Variants in WDR5 observed in about 807,000 individuals in gnomAD.
WDR5 encodes WD repeat-containing protein 5.
For synonymous variants in WDR5, 144 were observed against 161.6 expected (o/e 0.89, Z 0.83); for missense variants, 187 against 416.9 (o/e 0.45, Z 4.80).
intron 1 of WDR5, among the ~76,000 whole-genome samples, chr9:134,139,004 T>C (rs769742746): frequency 7.2e-5 from 11 of 152,264 alleles, no homozygotes; most frequent in Non-Finnish European, 1.3e-4. Context: ...TAGAGGAAAC[T>C]AGCTGCTTAC....
rs1357437971 is a variant in WDR5 at position 134,157,654 on chromosome 9, T to C, written c.905-239T>C. ...CTGCAGGCAGGGCTGGCACTCCCTG[T>C]GGCCTCCTGCCCCTGTCCCCCAACC... On this transcript the variant is annotated intron_variant, in intron 13 of 13. Transcript: ENST00000358625. The surrounding 1 kb of genome is among the most constrained non-coding windows in gnomAD (Gnocchi z 5.0). 1.3e-5 allele frequency among the ~76,000 whole-genome samples: 2 copies of C among 152,096 alleles called. No homozygotes were observed. Among genetic ancestry groups the C allele is most frequent in the African/African-American group, 4.8e-5 (2 of 41,414 alleles).
At position 134,136,111 on chromosome 9, in the gene WDR5, G is replaced by T. The variant is rs941983172; in HGVS notation, c.-148G>T. ...CCGCCGCCTGGCGCCCGCCCGAGCT[G>T]CCGCCTTGTCGAGCTGAGTCCGCGC... On this transcript the variant is annotated 5_prime_UTR_variant, in exon 1 of 14. Transcript: ENST00000358625. 6 of 146,880 alleles carry T rather than the reference G, an allele frequency of 4.1e-5. No homozygotes were observed. Among genetic ancestry groups the T allele is most frequent in the Non-Finnish European group, 7.5e-5 (5 of 66,694 alleles). 9.1% of individuals were successfully genotyped at this position (146,880 alleles called of 1,614,324 possible).
At chr9:134,137,877 G>A (rs188128061) in intron 1 of WDR5, among the ~76,000 whole-genome samples, 70 of 152,004 alleles carry the variant, frequency 4.6e-4, no homozygotes, top group Admixed American at 4.1e-3. Flanking sequence ...CGAGTAGCTG[G>A]GATTACAGGG....
chr9:134,142,814 C>A, intron 7 of WDR5, 95 bp downstream of exon 7: 2 of 1,299,316 alleles, frequency 1.5e-6, no homozygotes, highest in Non-Finnish European at 2.2e-6. Flanking sequence ...GTAAGCCTGG[C>A]CATGGCCTGT....
At position 134,139,936 on chromosome 9, in the gene WDR5, C is replaced by T. The variant is rs369803909; in HGVS notation, c.59C>T (p.Ser20Leu). The change falls in exon 2 of 14, where the codon TCG becomes TTG. Residue 20 changes from serine (S) to leucine (L), a missense_variant. Physicochemically the swap from Ser to Leu is moderately radical, Grantham distance 145. Coordinates refer to ENST00000358625, the MANE Select transcript of WDR5 (RefSeq NM_017588.3). ...GCCGCCAGAGCACAGCCAACCCCTT[C>T]GTCATCCGCCACTCAGAGCAAGGTG... ...TEAARAQPTP[S>L]SSATQSKPTP... 6 of 1,613,482 alleles carry T rather than the reference C, an allele frequency of 3.7e-6. No homozygotes were observed. The highest frequency in any genetic ancestry group is 2.7e-5 in the African/African-American group (2 of 74,888).
chr9:134,152,586 G>C (rs745391431), intron 9 of WDR5, among the ~76,000 whole-genome samples: 3 of 152,356 alleles, frequency 2.0e-5, no homozygotes, highest in Non-Finnish European at 4.4e-5. Context: ...CTGCAGAAAG[G>C]AGCGGAAGGG....
At chr9:134,137,689 A>C (rs960977146) in intron 1 of WDR5, among the ~76,000 whole-genome samples, 2 of 151,420 alleles carry the variant, frequency 1.3e-5, no homozygotes, top group Admixed American at 6.6e-5. Context: ...AAAAACAAAA[A>C]AAAAACACGC....
intron 10 of WDR5, 52 bp from the exon 11 acceptor site, chr9:134,155,288 G>A: frequency 1.3e-6 from 2 of 1,526,832 alleles, no homozygotes; most frequent in South Asian, 1.3e-5. Context: ...TGGGTGTGGG[G>A]ACAGAAGGAT....
At chr9:134,137,667 C>CA (rs139470012) in intron 1 of WDR5, among the ~76,000 whole-genome samples, 7,594 of 93,132 alleles carry the variant, frequency 0.082, 692 homozygotes, top group African/African-American at 0.24. Flanking sequence ...GACTGTGTCT[C>CA]AAAAAAAAAA....
intron 12 of WDR5, 41 bp downstream of exon 12, chr9:134,155,808 TTAC>T: frequency 1.0e-5 from 16 of 1,593,110 alleles, no homozygotes; most frequent in Non-Finnish European, 1.4e-5. Flanking sequence ...TGTTCCCAGC[TTAC>T]TCTCCCGAGA....
intron 12 of WDR5, among the ~76,000 whole-genome samples, 162 bp from the exon 13 acceptor site, chr9:134,156,344 G>T (rs1832739897): frequency 6.6e-6 from 1 of 152,192 alleles, no homozygotes; most frequent in African/African-American, 2.4e-5. Flanking sequence ...GAAGCCTCAG[G>T]CCTGGCTGGA....
chr9:134,144,656 A>G (rs1472456080), intron 7 of WDR5, among the ~76,000 whole-genome samples: 1 of 152,086 alleles, frequency 6.6e-6, no homozygotes, highest in Non-Finnish European at 1.5e-5. Flanking sequence ...CCTGGACAAC[A>G]TAGTGAGATC....
chr9:134,152,340 C>T lies in WDR5; in HGVS notation c.631+311C>T, dbSNP rs372344375. On this transcript the variant is annotated intron_variant, in intron 9 of 13. Coordinates refer to ENST00000358625, the MANE Select transcript of WDR5 (RefSeq NM_017588.3). ...GGGCAGCCCCATTGCCTCCTGGCTT[C>T]GGGCCCCTGCTGTCGTGCCAGCCTC... 1.4e-4 allele frequency among the ~76,000 whole-genome samples: 21 copies of T among 152,362 alleles called. No homozygotes were observed. In the East Asian group the frequency reaches 1.7e-3, roughly 13 times the overall value.
At position 134,155,390 on chromosome 9, in the gene WDR5, T is replaced by G; in HGVS notation, c.741+17T>G. On this transcript the variant is annotated intron_variant, in intron 11 of 13. Transcript: ENST00000358625. ...AAGGGGAAGGTGAGCCCCCGCAGGCTTGGGCCCCCATGGTGCACCATCCCT... is the reference window on the plus strand; with the variant it reads ...AAGGGGAAGGTGAGCCCCCGCAGGCGTGGGCCCCCATGGTGCACCATCCCT... 6.2e-7 allele frequency: 1 copy of G among 1,601,268 alleles called. No homozygotes were observed. Among genetic ancestry groups the G allele is most frequent in the Non-Finnish European group, 8.5e-7 (1 of 1,174,404 alleles).
intron 7 of WDR5, 25 bp downstream of exon 7, chr9:134,142,744 G>A: frequency 6.2e-7 from 1 of 1,611,520 alleles, no homozygotes; most frequent in Non-Finnish European, 8.5e-7. Flanking sequence ...CACGGATGGG[G>A]TGGTGTCCAG....
rs1275344605 is a variant in WDR5 at position 134,157,762 on chromosome 9, T to C, written c.905-131T>C. ...GTGTCGAAGGTGGGCAGTGGGTGCTTGTCCTGTGACCTCCCAGGTGGCGGG... is the reference window on the plus strand; with the variant it reads ...GTGTCGAAGGTGGGCAGTGGGTGCTCGTCCTGTGACCTCCCAGGTGGCGGG... On this transcript the variant is annotated intron_variant, in intron 13 of 13. Coordinates refer to ENST00000358625, the MANE Select transcript of WDR5 (RefSeq NM_017588.3). The surrounding 1 kb of genome is among the most constrained non-coding windows in gnomAD (Gnocchi z 5.0). 1.3e-6 allele frequency: 1 copy of C among 770,624 alleles called. No individual in the cohort carries two copies. The highest frequency in any genetic ancestry group is 2.1e-6 in the Non-Finnish European group (1 of 468,030). The allele number at this position is 770,624 out of a possible 1,614,324, so 47.7% of individuals were successfully genotyped here. A position where few individuals can be genotyped will look rare whatever the true frequency, so the allele number is the denominator to read the frequency against.
chr9:134,142,862 C>A, intron 7 of WDR5, 143 bp downstream of exon 7: 1 of 824,964 alleles, frequency 1.2e-6, no homozygotes, highest in Non-Finnish European at 2.0e-6. Context: ...CAGTCTAGAG[C>A]AATCAGGTTG....
intron 7 of WDR5, among the ~76,000 whole-genome samples, chr9:134,144,531 G>A (rs1303054365): frequency 3.9e-5 from 6 of 152,100 alleles, no homozygotes; most frequent in Non-Finnish European, 7.3e-5. Flanking sequence ...CGAAAGTCAC[G>A]TTTGCTCATA....
chr9:134,141,394 C>T, intron 3 of WDR5, 116 bp from the exon 4 acceptor site: 4 of 957,712 alleles, frequency 4.2e-6, no homozygotes, highest in Non-Finnish European at 6.6e-6. Flanking sequence ...GGTTCTGAGC[C>T]ATGTGGTTCA....
Sources: gnomAD v4.1 joint callset for allele counts (sites outside exome capture counted in the v4.1 genomes callset) on GRCh38, gnomAD v4.1.1 for gene constraint, Gnocchi (gnomAD v3.1) non-coding constraint, MANE v1.5 for transcripts, NCBI Gene and HGNC (gene_info 2026-07-23, HGNC 2026-07-21) for gene names.